The following CLIP3 variants were observed in gnomAD, a reference collection of about 807,000 sequenced individuals.
The protein encoded by CLIP3 is CAP-Gly domain containing linker protein 3.
A neutral mutation model predicts 59.4 loss-of-function variants in CLIP3; 15 were observed. That is an observed-to-expected ratio of 0.25 (90% CI 0.17 to 0.39). The LOEUF (loss-of-function observed/expected upper bound fraction) is 0.39. CLIP3 is among the 10% of genes least tolerant of loss of function. The pLI is 1.00. For synonymous variants in CLIP3, 300 were observed against 321.6 expected, an observed-to-expected ratio of 0.93 and a Z score of 0.72; for missense variants, 495 against 765.7, an observed-to-expected ratio of 0.65 and a Z score of 4.17.
Position 36,017,976 on chromosome 19 carries a change from G to A in CLIP3, c.1199C>T (p.Pro400Leu). The A allele has an allele frequency of 1.2e-6, 2 of 1,614,004 alleles. No homozygotes were observed. Among genetic ancestry groups the A allele is most frequent in the South Asian group, 1.1e-5 (1 of 91,078 alleles). The change falls in exon 10 of 14, where the codon CCA (proline) becomes CTA (leucine). Residue 400 changes from proline to leucine, a missense_variant. By Grantham distance (98) the Pro-to-Leu change is moderately conservative. Coordinates refer to ENST00000360535, the MANE Select transcript of CLIP3 (RefSeq NM_015526.3). ...RREHKGKKKT[P>L]SSPSLGSLQQ... is the part of the protein sequence containing the mutation. ...CAAGCTGCCCAGAGATGGGGATGAT[G>A]GGGTCTTCTTCTTGCCTAAGGGTAG...
Position 36,016,237 on chromosome 19 carries a change from C to CG in CLIP3, c.1590-26dup, listed in dbSNP as rs1426262134. Reference sequence around the variant, plus strand: ...CCTGGAAAGGAGGATGACAGGGTCACGCCCTTAGGCAGGCAGCGGGGACAT... The same window carrying CG: ...CCTGGAAAGGAGGATGACAGGGTCACGGCCCTTAGGCAGGCAGCGGGGACAT... On this transcript the variant is annotated intron_variant, in intron 13 of 13. Transcript: ENST00000360535. The surrounding 1 kb of genome is among the most constrained non-coding windows in gnomAD (Gnocchi z 4.1). The CG allele has an allele frequency of 2.5e-6, 4 of 1,613,920 alleles. No homozygotes were observed. Among genetic ancestry groups the CG allele is most frequent in the Non-Finnish European group, 3.4e-6 (4 of 1,179,854 alleles).
intron 2 of CLIP3, among the ~76,000 whole-genome samples, chr19:36,028,337 C>G (rs1007565999): frequency 6.6e-6 from 1 of 151,944 alleles, no homozygotes; most frequent in Non-Finnish European, 1.5e-5. Flanking sequence ...GAGACTCCAT[C>G]TCAAAAAAAG....
intron 7 of CLIP3, among the ~76,000 whole-genome samples, chr19:36,020,058 A>C (rs1486643876): frequency 6.6e-6 from 1 of 151,888 alleles, no homozygotes; most frequent in Non-Finnish European, 1.5e-5. Context: ...TGTTCCAAAA[A>C]ACAAAGACAG....
intron 2 of CLIP3, among the ~76,000 whole-genome samples, chr19:36,027,905 G>A (rs1969155338): frequency 6.6e-6 from 1 of 151,882 alleles, no homozygotes; most frequent in Non-Finnish European, 1.5e-5. Context: ...GTGTGGTGGT[G>A]CGCATTGGTG....
chr19:36,018,081 C>G, intron 9 of CLIP3, 90 bp from the exon 10 acceptor site: 1 of 1,449,508 alleles, frequency 6.9e-7, no homozygotes, highest in Non-Finnish European at 9.4e-7. Flanking sequence ...GGTAGAAAAC[C>G]CTGTTCTTCG....
chr19:36,023,470 A>G (rs963906378), intron 7 of CLIP3, among the ~76,000 whole-genome samples: 3 of 151,806 alleles, frequency 2.0e-5, no homozygotes, highest in African/African-American at 7.3e-5. Context: ...TTCTCAGAAC[A>G]CCCCAGCTAA....
Position 36,026,071 on chromosome 19 carries a change from C to CT in CLIP3, c.681+75_681+76insA. On this transcript the variant is annotated intron_variant, in intron 6 of 13. Transcript: ENST00000360535. This position sits in a 1 kb window ranked among gnomAD's most constrained non-coding sequence, Gnocchi z 6.3. ...GTAGTATTTGGGGAGTCACGGGAAA[C>CT]GCAGAGACCTGCTGGAGGGAAGTGG... is the stretch of plus-strand genomic sequence containing the variant. The CT allele has an allele frequency of 8.9e-7, 1 of 1,124,986 alleles. No homozygotes were observed. The highest frequency in any genetic ancestry group is 1.3e-6 in the Non-Finnish European group (1 of 749,276). 69.7% of individuals were successfully genotyped at this position (1,124,986 alleles called of 1,614,324 possible). A position where few individuals can be genotyped will look rare whatever the true frequency, so the allele number is the denominator to read the frequency against.
At position 36,016,308 on chromosome 19, in the gene CLIP3, C is replaced by T. The variant is rs2145385252; in HGVS notation, c.1590-96G>A. On this transcript the variant is annotated intron_variant, in intron 13 of 13. Coordinates refer to ENST00000360535, the MANE Select transcript of CLIP3 (RefSeq NM_015526.3). This position sits in a 1 kb window ranked among gnomAD's most constrained non-coding sequence, Gnocchi z 4.1. ...CTTTCCCCCAGTGTTTGCTATCAGG[C>T]CTTTCTGGATTCTGCCTCTACCTCT... The T allele has an allele frequency of 1.4e-6, 2 of 1,400,584 alleles. No individual in the cohort carries two copies. Among genetic ancestry groups the T allele is most frequent in the Non-Finnish European group, 2.0e-6 (2 of 999,134 alleles). 86.8% of individuals were successfully genotyped at this position (1,400,584 alleles called of 1,614,324 possible).
At chr19:36,021,796 G>C (rs941841832) in intron 7 of CLIP3, among the ~76,000 whole-genome samples, 1 of 152,144 alleles carries the variant, frequency 6.6e-6, no homozygotes, top group Non-Finnish European at 1.5e-5. Flanking sequence ...TATCATTATG[G>C]GAGGCTCATT....
Position 36,026,183 on chromosome 19 carries a change from T to C in CLIP3, c.645A>G (p.Lys215=). The C allele has an allele frequency of 1.2e-6, 2 of 1,613,700 alleles. No individual in the cohort carries two copies. Among genetic ancestry groups the C allele is most frequent in the Non-Finnish European group, 1.7e-6 (2 of 1,179,910 alleles). The change falls in exon 6 of 14, where the codon AAA becomes AAG. Residue 215 remains lysine (K), a synonymous_variant. Coordinates refer to ENST00000360535, the MANE Select transcript of CLIP3 (RefSeq NM_015526.3). The surrounding 1 kb of genome is among the most constrained non-coding windows in gnomAD (Gnocchi z 6.3). The part of the protein sequence containing the change: ...AASSLCLGAA[K]CLLEHGANPA... Reference sequence around the variant, plus strand: ...GGTTGGCGCCGTGCTCCAGCAAACATTTGGCGGCGCCCAGGCACAGGCTGG... The same window carrying C: ...GGTTGGCGCCGTGCTCCAGCAAACACTTGGCGGCGCCCAGGCACAGGCTGG...
rs1036931066 is a variant in CLIP3 at position 36,024,267 on chromosome 19, G to C, written c.918+129C>G. 3 of 717,374 alleles carry C rather than the reference G, an allele frequency of 4.2e-6. No individual in the cohort carries two copies. In the African/African-American group the frequency reaches 5.3e-5, roughly 13 times the overall value. The allele number at this position is 717,374 out of a possible 1,614,324, so 44.4% of individuals were successfully genotyped here. A position where few individuals can be genotyped will look rare whatever the true frequency, so the allele number is the denominator to read the frequency against. On this transcript the variant is annotated intron_variant, in intron 7 of 13. Coordinates refer to ENST00000360535, the MANE Select transcript of CLIP3 (RefSeq NM_015526.3). ...ACAACTGAGATAAAATCAAGTACTGGGTGGATAGTTAGGGCGGCAAGTAGA... is the reference window on the plus strand; with the variant it reads ...ACAACTGAGATAAAATCAAGTACTGCGTGGATAGTTAGGGCGGCAAGTAGA...
At chr19:36,024,796 G>T (rs1362429440) in intron 6 of CLIP3, among the ~76,000 whole-genome samples, 164 bp from the exon 7 acceptor site, 1 of 152,228 alleles carries the variant, frequency 6.6e-6, no homozygotes, top group Non-Finnish European at 1.5e-5. Flanking sequence ...GCGGGGTAAG[G>T]TGGCTCACGC....
intron 7 of CLIP3, among the ~76,000 whole-genome samples, chr19:36,021,115 C>T (rs928765167): frequency 1.3e-5 from 2 of 152,138 alleles, no homozygotes; most frequent in African/African-American, 2.4e-5. Context: ...TGGCCTCAAG[C>T]GATCCTCCCC....
rs377319720 is a variant in CLIP3, at chr19:36,019,164, G to A, written c.1054+7C>T. ...CACACCCCTCTTGGGCCCGAGGTCG[G>A]ACTAACCCTGCTTGGGAGGGCAGAT... On this transcript the variant is annotated splice_region_variant and intron_variant, in intron 8 of 13. Transcript: ENST00000360535. 2.5e-6 allele frequency: 4 copies of A among 1,613,792 alleles called. No individual in the cohort carries two copies. The African/African-American group carries it at 5.3e-5, about 22-fold the overall frequency.
chr19:36,029,306 C>CA (rs774000215), intron 2 of CLIP3, among the ~76,000 whole-genome samples: 28,246 of 119,940 alleles, frequency 0.24, 3,824 homozygotes, highest in East Asian at 0.37. Flanking sequence ...GAGTCCGTCT[C>CA]AAAAAAAAAA....
Position 36,014,919 on chromosome 19 carries a change from T to C in CLIP3, c.*1239A>G, listed in dbSNP as rs2145380900. The stretch of plus-strand genomic sequence containing the variant: ...CAGGGCCTTGGGGCCTTCCATTTAT[T>C]AGAGATGGAGGCTTTAGGATTTGGG... On this transcript the variant is annotated 3_prime_UTR_variant, in exon 14 of 14. Transcript: ENST00000360535. 1 of 152,414 alleles carries C rather than the reference T, an allele frequency of 6.6e-6. No homozygotes were observed. Among genetic ancestry groups the C allele is most frequent in the East Asian group, 1.9e-4 (1 of 5,174 alleles). 9.4% of individuals were successfully genotyped at this position (152,414 alleles called of 1,614,324 possible). A position where few individuals can be genotyped will look rare whatever the true frequency, so the allele number is the denominator to read the frequency against.
At position 36,015,983 on chromosome 19, in the gene CLIP3, G is replaced by C. The variant is rs183209495; in HGVS notation, c.*175C>G. On this transcript the variant is annotated 3_prime_UTR_variant, in exon 14 of 14. Coordinates refer to ENST00000360535, the MANE Select transcript of CLIP3 (RefSeq NM_015526.3). ...TGGGTGACATGGGGTCTGTATTTGG[G>C]GGTTATTATGGGAGTATCTGTTAAT... is the stretch of plus-strand genomic sequence containing the variant. 5.4e-4 allele frequency: 365 copies of C among 674,316 alleles called. No homozygotes were observed. The highest frequency in any genetic ancestry group is 8.5e-4 in the Non-Finnish European group (319 of 375,020). The allele number at this position is 674,316 out of a possible 1,614,324, so 41.8% of individuals were successfully genotyped here.
chr19:36,023,259 A>G (rs1009188773), intron 7 of CLIP3, among the ~76,000 whole-genome samples: 3 of 151,868 alleles, frequency 2.0e-5, no homozygotes, highest in East Asian at 1.9e-4. Flanking sequence ...ACAAAATTCA[A>G]ACTCCTTCCA....
At position 36,026,169 on chromosome 19, in the gene CLIP3, T is replaced by A; in HGVS notation, c.659A>T (p.His220Leu). Residue 220 changes from histidine to leucine, a missense_variant, in exon 6 of 14, where the codon CAC (histidine) becomes CTC (leucine). Transcript: ENST00000360535. The surrounding 1 kb of genome is among the most constrained non-coding windows in gnomAD (Gnocchi z 6.3). ...CLGAAKCLLEHGANPALRNRK... is the reference protein window; with the variant it reads ...CLGAAKCLLELGANPALRNRK... ...TACCCTCAGCGCAGGGTTGGCGCCG[T>A]GCTCCAGCAAACATTTGGCGGCGCC... The A allele has an allele frequency of 6.2e-7, 1 of 1,613,678 alleles. No homozygotes were observed. The highest frequency in any genetic ancestry group is 1.1e-5 in the South Asian group (1 of 91,058).
Sources: allele counts gnomAD v4.1 joint callset (sites outside exome capture counted in the v4.1 genomes callset), GRCh38; gene constraint gnomAD v4.1.1; non-coding constraint Gnocchi (gnomAD v3.1); transcripts MANE v1.5; gene names NCBI Gene and HGNC (gene_info 2026-07-23, HGNC 2026-07-21).